Variants in ACTA2 observed in about 807,000 individuals in gnomAD.
ACTA2 encodes the protein actin alpha 2, smooth muscle, also known as actin, aortic smooth muscle.
A neutral mutation model predicts 39.5 loss-of-function variants in ACTA2; 12 were observed. That is an observed-to-expected ratio of 0.30 (90% CI 0.19 to 0.49). The LOEUF is 0.49. Among genes scored for constraint, ACTA2 ranks in the 20% least tolerant of loss-of-function variants. The probability of loss-of-function intolerance (pLI) is 0.99; values close to 1 mark genes in which losing one functional copy is unlikely to be tolerated. For synonymous variants in ACTA2, 158 were observed against 180.6 expected (o/e 0.88, Z 1.00); for missense variants, 236 against 498.8 (o/e 0.47, Z 5.02).
At position 88,941,276 on chromosome 10, in the gene ACTA2, T is replaced by G. The variant is rs1564644429; in HGVS notation, c.569A>C (p.Tyr190Ser). Reference sequence around the variant, plus strand: ...ACGCTCAGTCAGGATCTTCATGAGGTAGTCAGTGAGATCTCGGCCAGCCAG... The same window carrying G: ...ACGCTCAGTCAGGATCTTCATGAGGGAGTCAGTGAGATCTCGGCCAGCCAG... ...LDLAGRDLTD[Y>S]LMKILTERGY... is the part of the protein sequence containing the mutation. Residue 190 changes from tyrosine (Y) to serine (S), a missense_variant, in exon 6 of 9, where the codon TAC becomes TCC. Transcript: ENST00000224784. The G allele has an allele frequency of 1.9e-6, 3 of 1,613,954 alleles. No individual in the cohort carries two copies. The highest frequency in any genetic ancestry group is 2.5e-6 in the Non-Finnish European group (3 of 1,179,950).
chr10:88,979,914 T>C (rs1352700652), intron 1 of ACTA2, among the ~76,000 whole-genome samples: 3 of 152,026 alleles, frequency 2.0e-5, no homozygotes, highest in African/African-American at 4.8e-5. Context: ...CCTGGCAAAA[T>C]GGAATAATAG....
At chr10:88,963,589 C>T (rs1055413322) in intron 1 of ACTA2, among the ~76,000 whole-genome samples, 2 of 152,104 alleles carry the variant, frequency 1.3e-5, no homozygotes, top group African/African-American at 4.8e-5. Flanking sequence ...ATCTCTGGAC[C>T]TATTTAAACC....
rs954052275 is a variant in ACTA2, at chr10:88,990,743, G to A, written c.-24+196C>T. 1.9e-6 allele frequency: 2 copies of A among 1,059,656 alleles called. No homozygotes were observed. Among genetic ancestry groups the A allele is most frequent in the Admixed American group, 1.9e-5 (1 of 53,776 alleles). 65.6% of individuals were successfully genotyped at this position (1,059,656 alleles called of 1,614,324 possible). ...TGACTTGGCTGGAGCCTCAGGGGCG[G>A]GCACTGGCACGGAACACACCCTGAG... is the stretch of plus-strand genomic sequence containing the variant. On this transcript the variant is annotated intron_variant, in intron 1 of 4. Coordinates refer to the ACTA2 transcript ENST00000415557. This position sits in a 1 kb window ranked among gnomAD's most constrained non-coding sequence, Gnocchi z 4.9.
chr10:88,971,531 A>AG lies in ACTA2; in HGVS notation c.-24+19407dup, dbSNP rs536797031. Among the ~76,000 whole-genome samples, 256 of 152,350 alleles carry AG rather than the reference A, an allele frequency of 1.7e-3. No homozygotes were observed. In the Middle Eastern group the frequency reaches 0.02, roughly 12 times the overall value. On this transcript the variant is annotated intron_variant, in intron 1 of 4. Transcript: ENST00000415557. ...CTCAAATCCCATCTGATACAGGTTT[A>AG]GATCCAGATTTTGTCATTTGACTAA...
chr10:88,972,124 G>A (rs531725584), intron 1 of ACTA2, among the ~76,000 whole-genome samples: 1 of 151,898 alleles, frequency 6.6e-6, no homozygotes, highest in East Asian at 1.9e-4. Context: ...GGCCAGGATG[G>A]TCTCAATCTC....
intron 1 of ACTA2, among the ~76,000 whole-genome samples, chr10:88,983,638 A>C (rs7896775): frequency 0.032 from 3,177 of 100,130 alleles, 136 homozygotes; most frequent in African/African-American, 0.11. Flanking sequence ...AAAAAAAAAA[A>C]ACACACACAC....
chr10:88,939,136 G>A (rs1363455825), intron 7 of ACTA2, among the ~76,000 whole-genome samples: 4 of 152,150 alleles, frequency 2.6e-5, no homozygotes, highest in African/African-American at 9.7e-5. Context: ...CAATGTGAAT[G>A]TAGGAACAGA....
In ACTA2 at chr10:88,947,282, G is replaced by A. The variant is rs373518147; in HGVS notation, c.234C>T (p.Ile78=). ...CCTTTTCCATGTCGTCCCAGTTGGT[G>A]ATGATGCCATGTTCTATCGGGTACT... The part of the protein sequence containing the change: ...TLKYPIEHGI[I]TNWDDMEKIW... The change falls in exon 3 of 9, where the codon ATC becomes ATT. Residue 78 remains isoleucine (I), a synonymous_variant. Transcript: ENST00000224784. The A allele has an allele frequency of 1.1e-5, 18 of 1,613,840 alleles. No individual in the cohort carries two copies. Among genetic ancestry groups the A allele is most frequent in the African/African-American group, 1.3e-5 (1 of 74,902 alleles).
At chr10:88,982,644 T>C (rs760118956) in intron 1 of ACTA2, among the ~76,000 whole-genome samples, 1 of 152,216 alleles carries the variant, frequency 6.6e-6, no homozygotes, top group Non-Finnish European at 1.5e-5. Context: ...GCTCAGTGTC[T>C]TTGAAAATGA....
At chr10:88,937,847 A>G (rs1454592477) in intron 8 of ACTA2, among the ~76,000 whole-genome samples, 2 of 152,222 alleles carry the variant, frequency 1.3e-5, no homozygotes, top group South Asian at 2.1e-4. Flanking sequence ...ACAGACAAGG[A>G]TAAATAGAGA....
intron 1 of ACTA2, among the ~76,000 whole-genome samples, chr10:88,987,590 C>T (rs190174753): frequency 6.6e-6 from 1 of 152,290 alleles, no homozygotes; most frequent in Admixed American, 6.5e-5. Flanking sequence ...TACTTCAAAT[C>T]CAATGAAAAA....
At chr10:88,972,249 A>G (rs910280414) in intron 1 of ACTA2, among the ~76,000 whole-genome samples, 3 of 152,158 alleles carry the variant, frequency 2.0e-5, no homozygotes, top group African/African-American at 7.2e-5. Flanking sequence ...AAATGAAACA[A>G]GGTCCTCAAT....
At position 88,980,791 on chromosome 10, in the gene ACTA2, T is replaced by G. The variant is rs532471120; in HGVS notation, c.-24+10148A>C. ...GTTACAAGGCAATGATAAGAAAGAA[T>G]GAGGTAGCTCAATTCCAAATGAATC... is the stretch of plus-strand genomic sequence containing the variant. On this transcript the variant is annotated intron_variant, in intron 1 of 4. Coordinates refer to the ACTA2 transcript ENST00000415557. 2.0e-5 allele frequency among the ~76,000 whole-genome samples: 3 copies of G among 152,320 alleles called. No individual in the cohort carries two copies. In the East Asian group the frequency reaches 5.8e-4, roughly 29 times the overall value.
chr10:88,982,989 G>A (rs1846747522), intron 1 of ACTA2, among the ~76,000 whole-genome samples: 1 of 152,124 alleles, frequency 6.6e-6, no homozygotes, highest in Non-Finnish European at 1.5e-5. Flanking sequence ...TCCAGAACGT[G>A]GCATCAACAT....
intron 1 of ACTA2, 90 bp from the exon 2 acceptor site, chr10:88,949,043 G>C: frequency 7.5e-7 from 1 of 1,334,464 alleles, no homozygotes. Flanking sequence ...CTGGGTTTGG[G>C]GGCCCTCCTC....
At chr10:88,960,882 G>A (rs369808576) in intron 1 of ACTA2, among the ~76,000 whole-genome samples, 3 of 152,204 alleles carry the variant, frequency 2.0e-5, no homozygotes, top group Admixed American at 6.6e-5. Flanking sequence ...GCCACAGAAA[G>A]TCTCTGTTCT....
At chr10:88,943,603 G>A in intron 4 of ACTA2, 194 bp downstream of exon 4, 1 of 671,648 alleles carries the variant, frequency 1.5e-6, no homozygotes, top group Non-Finnish European at 2.7e-6. Context: ...TGGAGGCAAA[G>A]GGCTGGTCCC....
chr10:88,970,143 T>A lies in ACTA2; in HGVS notation c.-24+20796A>T, dbSNP rs577927010. 3.9e-5 allele frequency among the ~76,000 whole-genome samples: 6 copies of A among 152,304 alleles called. No homozygotes were observed. In the South Asian group the frequency reaches 1.2e-3, roughly 32 times the overall value. ...CTTAATGTTAAAATTCAGGATATGA[T>A]ACCTAAAGAAAGGTTTTACTGTACT... is the stretch of plus-strand genomic sequence containing the variant. On this transcript the variant is annotated intron_variant, in intron 1 of 4. Coordinates refer to the ACTA2 transcript ENST00000415557.
rs546105605 is a variant in ACTA2, at chr10:88,946,037, C to T, written c.258+1221G>A. ...TTCCCTGCAGTGGCAAAGGGCTACT[C>T]TTCTCATCTACAGAACTATCATCCT... On this transcript the variant is annotated intron_variant, in intron 3 of 8. Transcript: ENST00000224784. 2.6e-5 allele frequency among the ~76,000 whole-genome samples: 4 copies of T among 152,322 alleles called. No homozygotes were observed. The South Asian group carries it at 8.3e-4, about 32-fold the overall frequency.
Sources: allele counts gnomAD v4.1 joint callset (sites outside exome capture counted in the v4.1 genomes callset), GRCh38; gene constraint gnomAD v4.1.1; non-coding constraint Gnocchi (gnomAD v3.1); transcripts MANE v1.5; gene names NCBI Gene and HGNC (gene_info 2026-07-23, HGNC 2026-07-21).